KCNQ1: variants seen among roughly 807,000 people sequenced by gnomAD.
KCNQ1 encodes potassium voltage-gated channel subfamily KQT member 1.
In KCNQ1, 49 loss-of-function variants were observed where a neutral mutation model predicts 72.4. That is an observed-to-expected ratio of 0.68 (90% CI 0.54 to 0.86). The LOEUF (loss-of-function observed/expected upper bound fraction) is 0.86. Among genes scored for constraint, KCNQ1 ranks in the 40% least tolerant of loss-of-function variants. KCNQ1 has a pLI of 0.00. For synonymous variants in KCNQ1, 450 were observed against 412.6 expected, an observed-to-expected ratio of 1.09 and a Z score of -1.10; for missense variants, 790 against 945.1, an observed-to-expected ratio of 0.84 and a Z score of 2.15.
intron 11 of KCNQ1, among the ~76,000 whole-genome samples, chr11:2,700,817 G>GCCCCTCCCCTTGTCCGT (rs1282378249): frequency 1.3e-5 from 2 of 152,104 alleles, no homozygotes. Flanking sequence ...GCGTCTGCCG[G>GCCCCTCCCCTTGTCCGT]CCCCTCCCCT....
rs1332796747 is a variant in KCNQ1, at chr11:2,564,629, T to G, written c.478-5999T>G. ...TAAAATGGAAATATGTTTTACCATC[T>G]TAACCCTTTTTAAGATCACAGTTCC... On this transcript the variant is annotated intron_variant, in intron 2 of 15. Transcript: ENST00000155840. This position sits in a 1 kb window ranked among gnomAD's most constrained non-coding sequence, Gnocchi z 4.5. Among the ~76,000 whole-genome samples, 1 of 152,180 alleles carries G rather than the reference T, an allele frequency of 6.6e-6. No homozygotes were observed. Among genetic ancestry groups the G allele is most frequent in the East Asian group, 1.9e-4 (1 of 5,182 alleles).
chr11:2,504,956 A>AT lies in KCNQ1; in HGVS notation c.387-22967dup, dbSNP rs1237172905. ...AAAGAAAAAGAGCTTATGGGTATCAATTTTTCTGTTAGTAACGCTTTTGTT... is the reference window on the plus strand; with the variant it reads ...AAAGAAAAAGAGCTTATGGGTATCAATTTTTTCTGTTAGTAACGCTTTTGTT... On this transcript the variant is annotated intron_variant, in intron 1 of 15. Transcript: ENST00000155840. 5.9e-5 allele frequency among the ~76,000 whole-genome samples: 9 copies of AT among 152,100 alleles called. No individual in the cohort carries two copies. In the East Asian group the frequency reaches 9.7e-4, roughly 16 times the overall value.
intron 10 of KCNQ1, chr11:2,616,468 C>T (rs952680675): frequency 6.3e-5 from 25 of 397,634 alleles, no homozygotes; most frequent in African/African-American, 3.1e-4. Context: ...TCTCTGGTTA[C>T]GTAAGGTATA....
At chr11:2,672,355 G>A (rs78152201) in intron 11 of KCNQ1, 4,700 of 398,608 alleles carry the variant, frequency 0.012, 180 homozygotes, top group African/African-American at 0.088. Flanking sequence ...AGTGTGGTGG[G>A]GCAGCCTTCA....
chr11:2,686,826 G>C (rs1394096268), intron 11 of KCNQ1: 2 of 398,572 alleles, frequency 5.0e-6, no homozygotes, highest in East Asian at 3.6e-5. Flanking sequence ...AGCAGCACAA[G>C]TAACTCAGAG....
chr11:2,731,458 C>T (rs910872847), intron 11 of KCNQ1, among the ~76,000 whole-genome samples: 2 of 152,222 alleles, frequency 1.3e-5, no homozygotes, highest in East Asian at 1.9e-4. Flanking sequence ...GCCCACCACA[C>T]GCCCACTCGG....
At chr11:2,749,036 C>T (rs1846182583) in intron 11 of KCNQ1, among the ~76,000 whole-genome samples, 1 of 152,220 alleles carries the variant, frequency 6.6e-6, no homozygotes, top group Admixed American at 6.5e-5. Context: ...CCAGCAAGTC[C>T]CTGTTGCCAC....
At chr11:2,709,337 G>T (rs909947603) in intron 11 of KCNQ1, among the ~76,000 whole-genome samples, 1 of 150,348 alleles carries the variant, frequency 6.7e-6, no homozygotes, top group Non-Finnish European at 1.5e-5. Context: ...GCGGGCAGAG[G>T]CTCAGACGCC....
At position 2,651,519 on chromosome 11, in the gene KCNQ1, T is replaced by C. The variant is rs1023472157; in HGVS notation, c.1394-10442T>C. On this transcript the variant is annotated intron_variant, in intron 10 of 15. Transcript: ENST00000155840. The surrounding 1 kb of genome is among the most constrained non-coding windows in gnomAD (Gnocchi z 6.1). ...CTGTCAGTGTGAAGAACGTGAATGC[T>C]AAGGGCATATGAGTGTGTCCCTGAG... The C allele has an allele frequency of 1.0e-5, 4 of 398,554 alleles. No individual in the cohort carries two copies. Among genetic ancestry groups the C allele is most frequent in the African/African-American group, 2.1e-5 (1 of 48,634 alleles). 24.7% of individuals were successfully genotyped at this position (398,554 alleles called of 1,614,324 possible).
intron 1 of KCNQ1, among the ~76,000 whole-genome samples, chr11:2,454,383 A>C (rs1846156403): frequency 6.6e-6 from 1 of 152,204 alleles, no homozygotes; most frequent in Admixed American, 6.5e-5. Context: ...CAGAAAAAGT[A>C]GTCCCTCAAA....
chr11:2,846,801 C>T (rs750239178), intron 15 of KCNQ1, among the ~76,000 whole-genome samples: 25 of 152,272 alleles, frequency 1.6e-4, no homozygotes, highest in Non-Finnish European at 3.1e-4. Context: ...TCGTTTGGGG[C>T]TTCTCTGCTG....
chr11:2,721,040 G>C (rs961422856), intron 11 of KCNQ1, among the ~76,000 whole-genome samples: 33 of 152,278 alleles, frequency 2.2e-4, no homozygotes, highest in African/African-American at 7.7e-4. Context: ...CCAGGCCCCA[G>C]ATGCAAGAAA....
intron 8 of KCNQ1, 84 bp from the exon 9 acceptor site, chr11:2,587,486 A>C: frequency 1.3e-6 from 2 of 1,578,910 alleles, no homozygotes; most frequent in Non-Finnish European, 8.6e-7. Flanking sequence ...GGCCTGGGGA[A>C]CAGGGAGGGG....
In KCNQ1 at chr11:2,698,670, CCATTCAGAACCTCTACCCAAAGA is replaced by C; in HGVS notation, c.1514+36592_1514+36614del. 1 of 398,804 alleles carries C rather than the reference CCATTCAGAACCTCTACCCAAAGA, an allele frequency of 2.5e-6. No individual in the cohort carries two copies. The highest frequency in any genetic ancestry group is 3.6e-5 in the East Asian group (1 of 28,084). 24.7% of individuals were successfully genotyped at this position (398,804 alleles called of 1,614,324 possible). ...TCCCAATCTCTTAACTCAGAGCCCC[CCATTCAGAACCTCTACCCAAAGA>C]CAGACTCCAGACCCTGACTCCAGTC... On this transcript the variant is annotated intron_variant, in intron 11 of 15. Transcript: ENST00000155840. The surrounding 1 kb of genome is among the most constrained non-coding windows in gnomAD (Gnocchi z 5.1).
chr11:2,793,487 G>GA (rs145428371), intron 15 of KCNQ1, among the ~76,000 whole-genome samples: 7,737 of 132,598 alleles, frequency 0.058, 274 homozygotes, highest in Middle Eastern at 0.13. Flanking sequence ...AGCCAAGCGT[G>GA]ATGGTGTGTG....
rs1467185639 is a variant in KCNQ1, at chr11:2,768,995, G to T, written c.1590+76G>T. The stretch of plus-strand genomic sequence containing the variant: ...ATGCAGCTGCCCACACCTCTCCTGG[G>T]TTCTCTCCTGCCCATAGTGGAGGGT... On this transcript the variant is annotated intron_variant, in intron 12 of 15. Coordinates refer to ENST00000155840, the MANE Select transcript of KCNQ1 (RefSeq NM_000218.3). The surrounding 1 kb of genome is among the most constrained non-coding windows in gnomAD (Gnocchi z 6.7). 1 of 1,221,366 alleles carries T rather than the reference G, an allele frequency of 8.2e-7. No homozygotes were observed. Among genetic ancestry groups the T allele is most frequent in the Non-Finnish European group, 1.2e-6 (1 of 827,922 alleles). 75.7% of individuals were successfully genotyped at this position (1,221,366 alleles called of 1,614,324 possible).
At chr11:2,524,200 A>T (rs1348925831) in intron 1 of KCNQ1, among the ~76,000 whole-genome samples, 1 of 152,098 alleles carries the variant, frequency 6.6e-6, no homozygotes, top group Non-Finnish European at 1.5e-5. Flanking sequence ...CGGCGACGGG[A>T]AAGCTGCTGT....
intron 11 of KCNQ1, among the ~76,000 whole-genome samples, chr11:2,741,365 C>T (rs1846047508): frequency 6.6e-6 from 1 of 152,134 alleles, no homozygotes; most frequent in South Asian, 2.1e-4. Flanking sequence ...GCATTGGGGC[C>T]CTGGAGATAT....
rs150885552 is a variant in KCNQ1 at position 2,833,720 on chromosome 11, A to G, written c.1795-14047A>G. On this transcript the variant is annotated intron_variant, in intron 15 of 15. Transcript: ENST00000155840. Reference sequence around the variant, plus strand: ...TGTTTGCACCTGGCTGTGACCGTGCAGTCCACTGGGCCCAGCAGCAGGAAC... The same window carrying G: ...TGTTTGCACCTGGCTGTGACCGTGCGGTCCACTGGGCCCAGCAGCAGGAAC... 4.8e-4 allele frequency among the ~76,000 whole-genome samples: 73 copies of G among 152,358 alleles called. No individual in the cohort carries two copies. The East Asian group carries it at 0.013, about 27-fold the overall frequency.
Sources: gnomAD v4.1 joint callset for allele counts (sites outside exome capture counted in the v4.1 genomes callset) on GRCh38, gnomAD v4.1.1 for gene constraint, Gnocchi (gnomAD v3.1) non-coding constraint, MANE v1.5 for transcripts, NCBI Gene and HGNC (gene_info 2026-07-23, HGNC 2026-07-21) for gene names.